Variants in KIAA0232 observed in about 807,000 individuals in gnomAD.
KIAA0232 encodes uncharacterized protein KIAA0232.
Under a neutral mutation model 122.0 loss-of-function variants are expected in KIAA0232, and 27 were observed. The observed-to-expected ratio is 0.22, with a 90% confidence interval of 0.16 to 0.31. The LOEUF (loss-of-function observed/expected upper bound fraction) is 0.31. Among genes scored for constraint, KIAA0232 ranks in the 10% least tolerant of loss-of-function variants. The probability of loss-of-function intolerance (pLI) is 1.00; values close to 1 mark genes in which losing one functional copy is unlikely to be tolerated. For synonymous variants in KIAA0232, 613 were observed against 587.6 expected (o/e 1.04, Z -0.63); for missense variants, 1,551 against 1,634.2 (o/e 0.95, Z 0.88).
rs759383490 is a variant in KIAA0232 at position 6,813,487 on chromosome 4, C to T, written c.-270+8881C>T. ...ACGCCATTCTACTGCCTCAGCCTCC[C>T]GAGTAGCTGGGACTACAGGTGCCTG... is the stretch of plus-strand genomic sequence containing the variant. On this transcript the variant is annotated intron_variant, in intron 2 of 9. Transcript: ENST00000307659. Among the ~76,000 whole-genome samples, 73 of 152,048 alleles carry T rather than the reference C, an allele frequency of 4.8e-4. 1 individual carries two copies. Among genetic ancestry groups the T allele is most frequent in the Non-Finnish European group, 4.6e-4 (31 of 67,974 alleles).
intron 3 of KIAA0232, among the ~76,000 whole-genome samples, chr4:6,839,175 A>G (rs1719511733): frequency 6.6e-6 from 1 of 152,224 alleles, no homozygotes; most frequent in African/African-American, 2.4e-5. Flanking sequence ...GCTTCTAGGA[A>G]TGACATTGAT....
intron 2 of KIAA0232, among the ~76,000 whole-genome samples, 175 bp downstream of exon 2, chr4:6,804,781 T>C (rs1404968178): frequency 1.3e-5 from 2 of 152,262 alleles, no homozygotes; most frequent in African/African-American, 4.8e-5. Context: ...TCAGTTTAAC[T>C]TTTTAATCCT....
At chr4:6,784,170 G>A (rs1716503741) in intron 1 of KIAA0232, among the ~76,000 whole-genome samples, 1 of 151,850 alleles carries the variant, frequency 6.6e-6, no homozygotes, top group African/African-American at 2.4e-5. Context: ...TTATATAAAT[G>A]TAGTTCTTGC....
At chr4:6,870,501 G>A (rs1027664713) in intron 7 of KIAA0232, among the ~76,000 whole-genome samples, 1 of 152,314 alleles carries the variant, frequency 6.6e-6, no homozygotes, top group Non-Finnish European at 1.5e-5. Flanking sequence ...CAATAACTGT[G>A]CCTATAAGAA....
chr4:6,806,461 G>T (rs1467900644), intron 2 of KIAA0232, among the ~76,000 whole-genome samples: 3 of 152,034 alleles, frequency 2.0e-5, no homozygotes, highest in Admixed American at 2.0e-4. Flanking sequence ...AAGAGGCCTG[G>T]CGGTGGCTCA....
At chr4:6,808,549 T>C (rs1469440279) in intron 2 of KIAA0232, among the ~76,000 whole-genome samples, 1 of 150,814 alleles carries the variant, frequency 6.6e-6, no homozygotes, top group East Asian at 1.9e-4. Context: ...GAAAGCCTGC[T>C]AATACAGGAT....
chr4:6,854,269 G>A (rs1267392952), intron 4 of KIAA0232, among the ~76,000 whole-genome samples: 1 of 151,762 alleles, frequency 6.6e-6, no homozygotes, highest in African/African-American at 2.4e-5. Flanking sequence ...TGAATCTTGG[G>A]AGGGAAGTGG....
At chr4:6,808,868 G>A (rs571228690) in intron 2 of KIAA0232, among the ~76,000 whole-genome samples, 75 of 152,328 alleles carry the variant, frequency 4.9e-4, no homozygotes, top group African/African-American at 1.7e-3. Context: ...CAAGGCCTAA[G>A]CATTCTACTA....
intron 2 of KIAA0232, among the ~76,000 whole-genome samples, chr4:6,816,456 TG>T (rs1355858266): frequency 3.2e-4 from 48 of 152,200 alleles, no homozygotes; most frequent in African/African-American, 1.1e-3. Context: ...CTAATTTTTT[TG>T]TATTTTAGTA....
intron 2 of KIAA0232, among the ~76,000 whole-genome samples, chr4:6,809,429 C>G (rs544072604): frequency 6.6e-6 from 1 of 152,240 alleles, no homozygotes; most frequent in African/African-American, 2.4e-5. Context: ...TTCTCTGGCC[C>G]CCTAGACTAG....
intron 3 of KIAA0232, among the ~76,000 whole-genome samples, chr4:6,831,553 G>GT (rs1254305924): frequency 6.6e-6 from 1 of 152,074 alleles, no homozygotes; most frequent in South Asian, 2.1e-4. Flanking sequence ...AGAATAAGAG[G>GT]TTTTTTTCCC....
At chr4:6,796,502 A>G (rs1408862806) in intron 1 of KIAA0232, among the ~76,000 whole-genome samples, 2 of 152,196 alleles carry the variant, frequency 1.3e-5, no homozygotes, top group Admixed American at 1.3e-4. Flanking sequence ...TTGGCCTCCC[A>G]AAGTGCTGGG....
intron 1 of KIAA0232, among the ~76,000 whole-genome samples, chr4:6,791,826 G>A (rs575335089): frequency 1.5e-4 from 23 of 152,252 alleles, no homozygotes; most frequent in African/African-American, 3.9e-4. Flanking sequence ...AGATTGATAC[G>A]GGTTGGCTGT....
chr4:6,790,179 T>G (rs1207586813), intron 1 of KIAA0232, among the ~76,000 whole-genome samples: 1 of 152,200 alleles, frequency 6.6e-6, no homozygotes, highest in Non-Finnish European at 1.5e-5. Flanking sequence ...TTGGAATGAC[T>G]GTTGAGATTT....
At chr4:6,842,338 T>A in intron 4 of KIAA0232, 134 bp downstream of exon 4, 1 of 845,514 alleles carries the variant, frequency 1.2e-6, no homozygotes, top group Non-Finnish European at 1.8e-6. Flanking sequence ...ACATGAACAT[T>A]ACCACTTTTC....
At chr4:6,811,447 T>C (rs566841905) in intron 2 of KIAA0232, among the ~76,000 whole-genome samples, 11 of 152,286 alleles carry the variant, frequency 7.2e-5, no homozygotes, top group Admixed American at 5.9e-4. Context: ...CTATAAGTTT[T>C]GCTTTTTCTT....
intron 6 of KIAA0232, among the ~76,000 whole-genome samples, chr4:6,860,491 G>T (rs552498892): frequency 6.6e-6 from 1 of 152,332 alleles, no homozygotes; most frequent in South Asian, 2.1e-4. Context: ...TGAGGAAATA[G>T]TCTGAAGCAG....
At position 6,861,642 on chromosome 4, in the gene KIAA0232, A is replaced by G. The variant is rs372471035; in HGVS notation, c.1260A>G (p.Leu420=). 1.1e-5 allele frequency: 17 copies of G among 1,613,994 alleles called. No homozygotes were observed. The highest frequency in any genetic ancestry group is 1.4e-5 in the Non-Finnish European group (16 of 1,180,036). Residue 420 remains leucine, a synonymous_variant, in exon 7 of 10, where the codon CTA becomes CTG. Coordinates refer to ENST00000307659, the MANE Select transcript of KIAA0232 (RefSeq NM_014743.3). ...YFVPLSRKSK[L]ETTYRNRQDT... ...TTCCTCTGAGCAGAAAAAGTAAACT[A>G]GAGACCACATACCGAAACAGACAGG... is the stretch of plus-strand genomic sequence containing the variant.
At chr4:6,815,058 A>T (rs897972792) in intron 2 of KIAA0232, among the ~76,000 whole-genome samples, 1 of 151,340 alleles carries the variant, frequency 6.6e-6, no homozygotes, top group Admixed American at 6.6e-5. Context: ...AAAAAAAAAC[A>T]CTTGATATAT....
Sources: allele counts gnomAD v4.1 joint callset (sites outside exome capture counted in the v4.1 genomes callset), GRCh38; gene constraint gnomAD v4.1.1; transcripts MANE v1.5; gene names NCBI Gene and HGNC (gene_info 2026-07-23, HGNC 2026-07-21).